PREX2: variants seen among roughly 807,000 people sequenced by gnomAD.
PREX2 encodes phosphatidylinositol-3,4,5-trisphosphate dependent Rac exchange factor 2.
PREX2 carries 107 observed loss-of-function variants against 203.2 expected under a neutral mutation model. That is an observed-to-expected ratio of 0.53 (90% CI 0.45 to 0.62). The LOEUF (loss-of-function observed/expected upper bound fraction) is 0.62. Ranked by LOEUF, PREX2 falls within the 20% of genes least tolerant of loss-of-function variation. PREX2 has a pLI of 0.00. For synonymous variants in PREX2, 672 were observed against 663.6 expected (o/e 1.01, Z -0.19); for missense variants, 1,777 against 1,955.9 (o/e 0.91, Z 1.72).
chr8:68,156,049 A>G (rs992639933), intron 34 of PREX2, among the ~76,000 whole-genome samples: 1 of 151,876 alleles, frequency 6.6e-6, no homozygotes, highest in Non-Finnish European at 1.5e-5. Flanking sequence ...TTACTCTGAC[A>G]TGTTTTTGTT....
Position 68,083,227 on chromosome 8 carries a change from A to G in PREX2, c.1879-13A>G. The G allele has an allele frequency of 6.4e-7, 1 of 1,556,850 alleles. No individual in the cohort carries two copies. Among genetic ancestry groups the G allele is most frequent in the Admixed American group, 2.0e-5 (1 of 51,106 alleles). The stretch of plus-strand genomic sequence containing the variant: ...AATATACTTTGACTTATTTTTTGTA[A>G]TTTCTCTCTTAGATGGCTGGCATGG... On this transcript the variant is annotated splice_polypyrimidine_tract_variant and intron_variant, in intron 17 of 39. Transcript: ENST00000288368.
intron 17 of PREX2, 45 bp from the exon 18 acceptor site, chr8:68,083,195 T>A: frequency 6.9e-7 from 1 of 1,441,018 alleles, no homozygotes; most frequent in Non-Finnish European, 9.4e-7. Context: ...TCAAAATTTC[T>A]TATTAAAATA....
At chr8:68,057,676 A>G (rs1808720535) in intron 10 of PREX2, among the ~76,000 whole-genome samples, 1 of 152,214 alleles carries the variant, frequency 6.6e-6, no homozygotes, top group Non-Finnish European at 1.5e-5. Flanking sequence ...CCCCATGGGC[A>G]TAACTTTCAG....
intron 23 of PREX2, chr8:68,106,339 C>T (rs757906070): frequency 2.0e-6 from 1 of 511,902 alleles, no homozygotes; most frequent in East Asian, 5.6e-5. Flanking sequence ...TATAAGCCTC[C>T]AAGTCACCGT....
chr8:68,029,880 G>A (rs1041615794), intron 5 of PREX2, among the ~76,000 whole-genome samples: 4 of 152,182 alleles, frequency 2.6e-5, no homozygotes, highest in African/African-American at 9.6e-5. Context: ...AAAAAAGGAA[G>A]CTATTGAGGG....
intron 1 of PREX2, among the ~76,000 whole-genome samples, chr8:67,992,911 C>T (rs192692979): frequency 1.2e-4 from 18 of 152,254 alleles, no homozygotes; most frequent in Middle Eastern, 3.4e-3. Flanking sequence ...TAAGGAAAAA[C>T]TTCAGCTGAA....
At chr8:67,955,893 A>G (rs1470358585) in intron 1 of PREX2, among the ~76,000 whole-genome samples, 1 of 152,224 alleles carries the variant, frequency 6.6e-6, no homozygotes, top group Admixed American at 6.5e-5. Flanking sequence ...GGCACATATG[A>G]ATTTATGCAG....
intron 35 of PREX2, among the ~76,000 whole-genome samples, chr8:68,183,707 G>A (rs750402655): frequency 2.6e-5 from 4 of 152,122 alleles, no homozygotes; most frequent in African/African-American, 7.2e-5. Context: ...ACCTAGTCAG[G>A]TCACTAATGG....
chr8:68,074,491 A>G lies in PREX2; in HGVS notation c.1569+1921A>G, dbSNP rs75741832. On this transcript the variant is annotated intron_variant, in intron 14 of 39. Transcript: ENST00000288368. ...TAGCTGTACATGCCGTCTCTTTTCT[A>G]TCACCGAAACTTTATGATTCTGATA... is the stretch of plus-strand genomic sequence containing the variant. Among the ~76,000 whole-genome samples, 1,071 of 152,266 alleles carry G rather than the reference A, an allele frequency of 7.0e-3. 13 individuals carry two copies. The highest frequency in any genetic ancestry group is 0.025 in the African/African-American group (1,033 of 41,538).
At chr8:68,117,646 T>C (rs1357827319) in intron 26 of PREX2, among the ~76,000 whole-genome samples, 1 of 152,206 alleles carries the variant, frequency 6.6e-6, no homozygotes, top group African/African-American at 2.4e-5. Flanking sequence ...AGGACGTCCT[T>C]TTTACTTATT....
At chr8:68,227,325 A>G (rs926996270) in intron 39 of PREX2, among the ~76,000 whole-genome samples, 13 of 152,146 alleles carry the variant, frequency 8.5e-5, no homozygotes, top group Non-Finnish European at 1.2e-4. Flanking sequence ...GGAAGATTCT[A>G]GGATGACCAC....
intron 19 of PREX2, 75 bp from the exon 20 acceptor site, chr8:68,090,504 A>G (rs1274472898): frequency 2.3e-6 from 3 of 1,298,642 alleles, no homozygotes; most frequent in African/African-American, 2.9e-5. Context: ...AATTGCTTCC[A>G]TAATTGTATA....
At chr8:68,012,312 C>A (rs13266029) in intron 1 of PREX2, among the ~76,000 whole-genome samples, 67,539 of 151,938 alleles carry the variant, frequency 0.44, 18,723 homozygotes, top group African/African-American at 0.79. Context: ...GGTATAATGA[C>A]AAATTATCTT....
intron 14 of PREX2, among the ~76,000 whole-genome samples, chr8:68,074,229 G>A (rs1419175207): frequency 6.6e-6 from 1 of 151,872 alleles, no homozygotes; most frequent in Non-Finnish European, 1.5e-5. Flanking sequence ...CCTCCCAAAG[G>A]GCTCGGATTA....
intron 37 of PREX2, among the ~76,000 whole-genome samples, chr8:68,212,971 T>C (rs1333237813): frequency 6.6e-6 from 1 of 152,248 alleles, no homozygotes; most frequent in Non-Finnish European, 1.5e-5. Context: ...AAAACATATA[T>C]ATTTCCCATC....
intron 32 of PREX2, among the ~76,000 whole-genome samples, chr8:68,136,909 C>CTT (rs959053848): frequency 2.1e-5 from 3 of 144,998 alleles, no homozygotes; most frequent in East Asian, 2.0e-4. Context: ...GTTACAGCAA[C>CTT]TTTTTTTTTT....
intron 8 of PREX2, among the ~76,000 whole-genome samples, chr8:68,051,385 C>T (rs1808523201): frequency 6.6e-6 from 1 of 151,984 alleles, no homozygotes; most frequent in Non-Finnish European, 1.5e-5. Context: ...GCTGCAGGTG[C>T]AAGGTTCACT....
chr8:68,100,830 T>G (rs757448587), intron 23 of PREX2, among the ~76,000 whole-genome samples: 13 of 152,124 alleles, frequency 8.5e-5, no homozygotes, highest in Non-Finnish European at 1.8e-4. Context: ...CATGCTTTTG[T>G]AGGAATGGAT....
chr8:68,027,439 A>C lies in PREX2; in HGVS notation c.543+116A>C, dbSNP rs148644901. The C allele has an allele frequency of 6.9e-5, 48 of 691,788 alleles. No homozygotes were observed. In the African/African-American group the frequency reaches 7.1e-4, roughly 10 times the overall value. The allele number at this position is 691,788 out of a possible 1,614,324, so 42.9% of individuals were successfully genotyped here. A position where few individuals can be genotyped will look rare whatever the true frequency, so the allele number is the denominator to read the frequency against. On this transcript the variant is annotated intron_variant, in intron 5 of 39. Transcript: ENST00000288368. ...TATTCTAAAGGAAGCGTAGACCATAAGTATTGGAAAAAAGTGGCCATTTTG... is the reference window on the plus strand; with the variant it reads ...TATTCTAAAGGAAGCGTAGACCATACGTATTGGAAAAAAGTGGCCATTTTG...
Sources: gnomAD v4.1 joint callset for allele counts (sites outside exome capture counted in the v4.1 genomes callset) on GRCh38, gnomAD v4.1.1 for gene constraint, MANE v1.5 for transcripts, NCBI Gene and HGNC (gene_info 2026-07-23, HGNC 2026-07-21) for gene names.